The following COG5 variants were observed in gnomAD, a reference collection of about 807,000 sequenced individuals.
COG5 encodes component of oligomeric golgi complex 5, also known as conserved oligomeric Golgi complex subunit 5.
Under a neutral mutation model 110.4 loss-of-function variants are expected in COG5, and 86 were observed. That is an observed-to-expected ratio of 0.78 (90% CI 0.65 to 0.93). The LOEUF is 0.93. Among genes scored for constraint, COG5 ranks in the 40% least tolerant of loss-of-function variants. COG5 has a pLI of 0.00. For missense variants in COG5, 1,077 were observed against 987.0 expected, an observed-to-expected ratio of 1.09 and a Z score of -1.22; for synonymous variants, 360 against 334.6, an observed-to-expected ratio of 1.08 and a Z score of -0.83.
chr7:107,364,580 T>C (rs902478849), intron 8 of COG5, among the ~76,000 whole-genome samples: 2 of 152,182 alleles, frequency 1.3e-5, no homozygotes, highest in Admixed American at 6.5e-5. Context: ...TAATCCCAAA[T>C]TGAAAGGCAT....
chr7:107,334,571 C>T (rs1358697274), intron 10 of COG5, among the ~76,000 whole-genome samples: 1 of 151,866 alleles, frequency 6.6e-6, no homozygotes, highest in Non-Finnish European at 1.5e-5. Flanking sequence ...AGGAGCGCTA[C>T]AATTGGTCTG....
At chr7:107,244,544 T>C (rs1801902320) in intron 17 of COG5, among the ~76,000 whole-genome samples, 1 of 151,936 alleles carries the variant, frequency 6.6e-6, no homozygotes, top group Non-Finnish European at 1.5e-5. Context: ...AGTAGGCTTT[T>C]TGAAAAAAAT....
At chr7:107,344,490 AC>A (rs1336656734) in intron 10 of COG5, among the ~76,000 whole-genome samples, 3 of 152,048 alleles carry the variant, frequency 2.0e-5, no homozygotes, top group Non-Finnish European at 4.4e-5. Context: ...GACCACTCAA[AC>A]TTTTGTCATA....
At chr7:107,450,549 C>A (rs566480392) in intron 6 of COG5, among the ~76,000 whole-genome samples, 1 of 152,070 alleles carries the variant, frequency 6.6e-6, no homozygotes, top group African/African-American at 2.4e-5. Flanking sequence ...TTAATGTGGA[C>A]AAAAGTACCC....
intron 11 of COG5, among the ~76,000 whole-genome samples, chr7:107,314,582 CAAAA>C (rs764317288): frequency 1.8e-5 from 1 of 55,058 alleles, no homozygotes; most frequent in Non-Finnish European, 4.0e-5. Flanking sequence ...ATCTCTACTA[CAAAA>C]AAAAAAAAAA....
chr7:107,227,293 T>C (rs1246962113), intron 19 of COG5, among the ~76,000 whole-genome samples: 1 of 152,140 alleles, frequency 6.6e-6, no homozygotes, highest in East Asian at 1.9e-4. Context: ...GTATATAGAT[T>C]TGAGTGTGTT....
At position 107,446,847 on chromosome 7, in the gene COG5, C is replaced by T. The variant is rs114297562; in HGVS notation, c.539-34215G>A. ...CCCAGCTAAGCCACTTCTGGATTCC[C>T]ACCCCTTTGCATTAGTTAACTATTG... On this transcript the variant is annotated intron_variant, in intron 6 of 21. Coordinates refer to ENST00000297135, the MANE Select transcript of COG5 (RefSeq NM_006348.5). Among the ~76,000 whole-genome samples the T allele has an allele frequency of 5.5e-3, 838 of 152,324 alleles. 8 individuals are homozygous for T. Among genetic ancestry groups the T allele is most frequent in the African/African-American group, 0.019 (807 of 41,568 alleles).
At chr7:107,452,461 C>T (rs986782189) in intron 6 of COG5, among the ~76,000 whole-genome samples, 8 of 152,052 alleles carry the variant, frequency 5.3e-5, no homozygotes, top group African/African-American at 1.7e-4. Context: ...GAAAGGAACC[C>T]GGTGGGAGGT....
chr7:107,254,325 T>C (rs1802730447), intron 16 of COG5, among the ~76,000 whole-genome samples: 2 of 152,306 alleles, frequency 1.3e-5, no homozygotes, highest in Admixed American at 1.3e-4. Flanking sequence ...GAATTCAAAG[T>C]GACTTATTAA....
chr7:107,261,911 T>A lies in COG5; in HGVS notation c.1576-3528A>T, dbSNP rs1712892791. On this transcript the variant is annotated intron_variant, in intron 14 of 21. Transcript: ENST00000297135. ...TTCTCTTTGATTTTTTTTTTTTTTT[T>A]AAAGATAGGCTCTCTGTCACCCAAA... Among the ~76,000 whole-genome samples the A allele has an allele frequency of 5.3e-5, 8 of 151,676 alleles. No individual in the cohort carries two copies. The South Asian group carries it at 1.3e-3, about 24-fold the overall frequency.
intron 6 of COG5, among the ~76,000 whole-genome samples, chr7:107,508,746 C>G (rs548007695): frequency 6.6e-4 from 100 of 152,158 alleles, no homozygotes; most frequent in Non-Finnish European, 6.8e-4. Context: ...CTACAGCCAC[C>G]GCTGTTCTGC....
In COG5 at chr7:107,343,891, G is replaced by C. The variant is rs1274154570; in HGVS notation, c.1026+18142C>G. Among the ~76,000 whole-genome samples, 3 of 150,752 alleles carry C rather than the reference G, an allele frequency of 2.0e-5. No individual in the cohort carries two copies. In the East Asian group the frequency reaches 5.8e-4, roughly 29 times the overall value. ...AGGATTTTTTTTTTTTTTCTGAGCAGGTCTTAACAGTAGGCTTAAAATGTT... is the reference window on the plus strand; with the variant it reads ...AGGATTTTTTTTTTTTTTCTGAGCACGTCTTAACAGTAGGCTTAAAATGTT... On this transcript the variant is annotated intron_variant, in intron 10 of 21. Transcript: ENST00000297135.
At chr7:107,528,568 T>C (rs1800946230) in intron 5 of COG5, among the ~76,000 whole-genome samples, 1 of 152,136 alleles carries the variant, frequency 6.6e-6, no homozygotes. Context: ...TTCACAGCAG[T>C]TGCATGAGGG....
At chr7:107,533,124 G>A (rs1377020622) in intron 5 of COG5, among the ~76,000 whole-genome samples, 1 of 151,360 alleles carries the variant, frequency 6.6e-6, no homozygotes, top group Admixed American at 6.6e-5. Flanking sequence ...GAAAGCAATA[G>A]CATCAACACC....
intron 3 of COG5, among the ~76,000 whole-genome samples, chr7:107,548,946 G>A (rs988814961): frequency 2.0e-5 from 3 of 152,084 alleles, no homozygotes; most frequent in African/African-American, 7.2e-5. Context: ...TTAAAATTCA[G>A]TTTCTATATC....
intron 6 of COG5, among the ~76,000 whole-genome samples, chr7:107,434,863 G>A (rs1302886636): frequency 2.0e-5 from 3 of 151,970 alleles, no homozygotes; most frequent in Non-Finnish European, 2.9e-5. Context: ...CCAGCTACTT[G>A]GTAGGCTGAG....
intron 6 of COG5, among the ~76,000 whole-genome samples, chr7:107,434,661 G>A (rs17343806): frequency 6.6e-6 from 1 of 151,990 alleles, no homozygotes; most frequent in African/African-American, 2.4e-5. Context: ...AACCCAATAG[G>A]ATATTAGCCT....
intron 6 of COG5, among the ~76,000 whole-genome samples, chr7:107,501,614 T>G (rs932852228): frequency 3.9e-5 from 6 of 152,194 alleles, no homozygotes; most frequent in African/African-American, 1.2e-4. Context: ...AAATGTGGTA[T>G]GAGTATTACC....
At chr7:107,468,514 G>A (rs1009022063) in intron 6 of COG5, among the ~76,000 whole-genome samples, 2 of 151,882 alleles carry the variant, frequency 1.3e-5, no homozygotes, top group Non-Finnish European at 1.5e-5. Flanking sequence ...CTTTCAAAAC[G>A]CATGAATAGC....
Sources: gnomAD v4.1 joint callset for allele counts (sites outside exome capture counted in the v4.1 genomes callset) on GRCh38, gnomAD v4.1.1 for gene constraint, MANE v1.5 for transcripts, NCBI Gene and HGNC (gene_info 2026-07-23, HGNC 2026-07-21) for gene names.